NAV1: variants seen among roughly 807,000 people sequenced by gnomAD.
The protein encoded by NAV1 is neuron navigator 1.
A neutral mutation model predicts 175.2 loss-of-function variants in NAV1; 18 were observed. The observed-to-expected ratio is 0.10, with a 90% CI of 0.07 to 0.15. NAV1 has a LOEUF of 0.15. NAV1 is among the 10% of genes least tolerant of loss of function. The pLI, the probability that NAV1 is intolerant of heterozygous loss-of-function variation, is 1.00. For missense variants in NAV1, 1,731 were observed against 2,436.6 expected (o/e 0.71, Z 6.10); for synonymous variants, 897 against 978.7 (o/e 0.92, Z 1.56).
intron 1 of NAV1, among the ~76,000 whole-genome samples, chr1:201,586,178 GA>G (rs1228850561): frequency 2.6e-5 from 4 of 151,426 alleles, no homozygotes; most frequent in African/African-American, 9.7e-5. Context: ...GGTGAACCTT[GA>G]TGAAATGCTA....
At chr1:201,774,110 C>T (rs573042004) in intron 3 of NAV1, among the ~76,000 whole-genome samples, 1 of 152,000 alleles carries the variant, frequency 6.6e-6, no homozygotes, top group Admixed American at 6.6e-5. Flanking sequence ...TGAATTTAGG[C>T]CTAGCTTGTT....
At position 201,787,913 on chromosome 1, in the gene NAV1, G is replaced by T; in HGVS notation, c.2996-555G>T. 2.9e-6 allele frequency: 1 copy of T among 344,352 alleles called. No individual in the cohort carries two copies. The highest frequency in any genetic ancestry group is 2.3e-5 in the South Asian group (1 of 43,788). The allele number at this position is 344,352 out of a possible 1,614,324, so 21.3% of individuals were successfully genotyped here. A position where few individuals can be genotyped will look rare whatever the true frequency, so the allele number is the denominator to read the frequency against. On this transcript the variant is annotated intron_variant, in intron 9 of 29. Transcript: ENST00000367296. The surrounding 1 kb of genome is among the most constrained non-coding windows in gnomAD (Gnocchi z 4.3). ...GGCAAAGAGGGCCATGTTTCTTGAT[G>T]CTTTAGCGCCAACCCAGTCACTCAG...
intron 1 of NAV1, among the ~76,000 whole-genome samples, chr1:201,650,032 T>C (rs1346773200): frequency 6.6e-6 from 1 of 152,206 alleles, no homozygotes; most frequent in Non-Finnish European, 1.5e-5. Flanking sequence ...TCTGGGCGCA[T>C]GTCCGATACC....
chr1:201,814,318 C>T (rs1678886910), intron 28 of NAV1, among the ~76,000 whole-genome samples: 1 of 150,346 alleles, frequency 6.7e-6, no homozygotes, highest in Non-Finnish European at 1.5e-5. Flanking sequence ...TACAGTGAGC[C>T]ATGTTCTCAC....
intron 28 of NAV1, among the ~76,000 whole-genome samples, chr1:201,815,818 AACCTCC>A (rs1323463820): frequency 6.6e-6 from 1 of 152,076 alleles, no homozygotes; most frequent in African/African-American, 2.4e-5. Context: ...GGCTCACTGC[AACCTCC>A]ACCTCTCAGG....
intron 1 of NAV1, among the ~76,000 whole-genome samples, chr1:201,680,248 G>A (rs1042025766): frequency 1.3e-4 from 20 of 152,258 alleles, no homozygotes; most frequent in Admixed American, 6.5e-4. Flanking sequence ...GGTGGCTCAC[G>A]CCTGTAATCC....
At chr1:201,540,499 G>A (rs1029737188) in intron 1 of NAV1, among the ~76,000 whole-genome samples, 1 of 152,228 alleles carries the variant, frequency 6.6e-6, no homozygotes, top group Non-Finnish European at 1.5e-5. Flanking sequence ...CAACTCACTT[G>A]TAATGGGACT....
At position 201,810,180 on chromosome 1, in the gene NAV1, A is replaced by G; in HGVS notation, c.4561+75A>G. Reference sequence around the variant, plus strand: ...AGGATCATCAAATAATCCATCATGCATTCATTCACCAAGAACTCACTGAGA... The same window carrying G: ...AGGATCATCAAATAATCCATCATGCGTTCATTCACCAAGAACTCACTGAGA... On this transcript the variant is annotated intron_variant, in intron 23 of 29. Transcript: ENST00000367296. This position sits in a 1 kb window ranked among gnomAD's most constrained non-coding sequence, Gnocchi z 6.0. The G allele has an allele frequency of 6.4e-7, 1 of 1,553,540 alleles. No homozygotes were observed. The highest frequency in any genetic ancestry group is 8.8e-7 in the Non-Finnish European group (1 of 1,139,312).
chr1:201,574,475 G>T (rs1277202106), intron 1 of NAV1, among the ~76,000 whole-genome samples: 1 of 152,128 alleles, frequency 6.6e-6, no homozygotes, highest in Non-Finnish European at 1.5e-5. Context: ...GCCACCCAGA[G>T]CCTGTGGTGG....
At position 201,718,608 on chromosome 1, in the gene NAV1, T is replaced by A; in HGVS notation, c.1079T>A (p.Met360Lys). 1 of 1,614,100 alleles carries A rather than the reference T, an allele frequency of 6.2e-7. No homozygotes were observed. The highest frequency in any genetic ancestry group is 8.5e-7 in the Non-Finnish European group (1 of 1,180,020). The change falls in exon 3 of 30, where the codon ATG becomes AAG. Residue 360 changes from methionine to lysine, a missense_variant. Physicochemically the swap from Met to Lys is moderately conservative, Grantham distance 95 (BLOSUM62 -1). Around this residue, in one of 13 missense-constraint regions of NAV1, gnomAD observed 487 missense variants for 581.3 expected, o/e 0.84. Transcript: ENST00000367296. This position sits in a 1 kb window ranked among gnomAD's most constrained non-coding sequence, Gnocchi z 4.8. Reference sequence around the variant, plus strand: ...GCCCACTACTCCCACACCATGCCCATGCGCAGCCCCAGCAAGCTCAGCCAT... The same window carrying A: ...GCCCACTACTCCCACACCATGCCCAAGCGCAGCCCCAGCAAGCTCAGCCAT...
chr1:201,821,892 G>A (rs1003308199), exon 30 of NAV1: 14 of 152,152 alleles, frequency 9.2e-5, no homozygotes, highest in African/African-American at 2.9e-4. Flanking sequence ...GATGAGCACC[G>A]GCCTAAGTGT....
chr1:201,582,517 C>A (rs756337603), intron 1 of NAV1, among the ~76,000 whole-genome samples: 2 of 152,188 alleles, frequency 1.3e-5, no homozygotes, highest in Non-Finnish European at 2.9e-5. Context: ...CAGAAGCCAG[C>A]CAGAAACCAG....
chr1:201,629,535 T>C, intron 2 of NAV1, 28 bp downstream of exon 4: 1 of 1,285,744 alleles, frequency 7.8e-7, no homozygotes, highest in Non-Finnish European at 1.0e-6. Flanking sequence ...GACTTCCTCC[T>C]AGGGTCGGGA....
chr1:201,756,852 CTTT>C (rs1674526432), intron 3 of NAV1, among the ~76,000 whole-genome samples: 2 of 129,950 alleles, frequency 1.5e-5, no homozygotes, highest in African/African-American at 6.2e-5. Context: ...TTCTTTCTTT[CTTT>C]CTTTCTTTCT....
intron 2 of NAV1, among the ~76,000 whole-genome samples, chr1:201,614,368 C>G (rs1017982132): frequency 6.6e-6 from 1 of 152,230 alleles, no homozygotes; most frequent in East Asian, 1.9e-4. Flanking sequence ...AGTGTGCCCC[C>G]AACCCCGGCA....
chr1:201,730,045 G>T (rs1421475543), intron 3 of NAV1, among the ~76,000 whole-genome samples: 1 of 152,154 alleles, frequency 6.6e-6, no homozygotes, highest in Non-Finnish European at 1.5e-5. Flanking sequence ...CGCCTGGGTG[G>T]TGATGTCCAG....
Position 201,807,761 on chromosome 1 carries a change from C to T in NAV1, c.3649-192C>T, listed in dbSNP as rs1235588628. Reference sequence around the variant, plus strand: ...GATCTCAGCTCACTGCAACCTCTGCCTCCACGGTCCTAATTTCTAGGCAAC... The same window carrying T: ...GATCTCAGCTCACTGCAACCTCTGCTTCCACGGTCCTAATTTCTAGGCAAC... On this transcript the variant is annotated intron_variant, in intron 17 of 29. Transcript: ENST00000367296. The surrounding 1 kb of genome is among the most constrained non-coding windows in gnomAD (Gnocchi z 5.4). 6.6e-6 allele frequency among the ~76,000 whole-genome samples: 1 copy of T among 152,126 alleles called. No individual in the cohort carries two copies. The highest frequency in any genetic ancestry group is 1.5e-5 in the Non-Finnish European group (1 of 68,040).
At chr1:201,596,900 A>C (rs577663186) in intron 2 of NAV1, among the ~76,000 whole-genome samples, 9 of 152,202 alleles carry the variant, frequency 5.9e-5, no homozygotes, top group Non-Finnish European at 8.8e-5. Flanking sequence ...ATCTCGGCTC[A>C]CTGCAACCTC....
intron 2 of NAV1, among the ~76,000 whole-genome samples, chr1:201,606,042 G>A (rs1007039189): frequency 1.3e-5 from 2 of 152,198 alleles, no homozygotes; most frequent in African/African-American, 2.4e-5. Flanking sequence ...TTCACAATGG[G>A]GACCCTGGCT....
Sources: allele counts gnomAD v4.1 joint callset (sites outside exome capture counted in the v4.1 genomes callset), GRCh38; gene constraint gnomAD v4.1.1; regional missense constraint gnomAD v4.1.1; non-coding constraint Gnocchi (gnomAD v3.1); transcripts MANE v1.5; gene names NCBI Gene and HGNC (gene_info 2026-07-23, HGNC 2026-07-21).